RAD51: variants seen among roughly 807,000 people sequenced by gnomAD.
RAD51 encodes DNA repair protein RAD51 homolog 1.
RAD51 carries 14 observed loss-of-function variants against 41.5 expected under a neutral mutation model. The ratio of observed to expected loss-of-function variants is 0.34; its 90% CI spans 0.22 to 0.53. The LOEUF (loss-of-function observed/expected upper bound fraction) is 0.53. Ranked by LOEUF, RAD51 falls within the 20% of genes least tolerant of loss-of-function variation. RAD51 has a pLI of 0.95. For synonymous variants in RAD51, 136 were observed against 148.6 expected (o/e 0.92, Z 0.62); for missense variants, 234 against 422.0 (o/e 0.55, Z 3.90).
intron 3 of RAD51, among the ~76,000 whole-genome samples, chr15:40,705,423 G>A (rs1307211803): frequency 1.3e-5 from 2 of 152,180 alleles, no homozygotes; most frequent in Non-Finnish European, 2.9e-5. Context: ...GCTGATAGAG[G>A]TGGGGAAGTA....
At chr15:40,730,453 A>G (rs376095929) in intron 9 of RAD51, among the ~76,000 whole-genome samples, 1 of 151,306 alleles carries the variant, frequency 6.6e-6, no homozygotes, top group Non-Finnish European at 1.5e-5. Context: ...GTATTGAGCT[A>G]TGATCACACA....
At position 40,719,689 on chromosome 15, in the gene RAD51, G is replaced by A. The variant is rs559447790; in HGVS notation, c.530+790G>A. Among the ~76,000 whole-genome samples, 13 of 152,134 alleles carry A rather than the reference G, an allele frequency of 8.5e-5. 1 individual carries two copies. The East Asian group carries it at 1.6e-3, about 18-fold the overall frequency. The stretch of plus-strand genomic sequence containing the variant: ...CTATTAAAAATACAAAAAGTTAGCC[G>A]GGTGTGTTGGTGGGTGCCTGTAGTC... On this transcript the variant is annotated intron_variant, in intron 6 of 9. Transcript: ENST00000267868.
chr15:40,709,012 A>G lies in RAD51; in HGVS notation c.344-13A>G, dbSNP rs1283726287. 1 of 1,603,172 alleles carries G rather than the reference A, an allele frequency of 6.2e-7. No individual in the cohort carries two copies. Among genetic ancestry groups the G allele is most frequent in the Non-Finnish European group, 8.5e-7 (1 of 1,170,114 alleles). ...TGTATTATGCTAAGAGTTATTTCTT[A>G]TCGCTTTTTTAGGTGGAATTGAGAC... On this transcript the variant is annotated splice_polypyrimidine_tract_variant and intron_variant, in intron 4 of 9. Transcript: ENST00000267868.
At chr15:40,711,972 G>A (rs1199527142) in intron 5 of RAD51, among the ~76,000 whole-genome samples, 1 of 151,658 alleles carries the variant, frequency 6.6e-6, no homozygotes, top group Non-Finnish European at 1.5e-5. Flanking sequence ...CTTGGGAGGT[G>A]GAGGCGGGAG....
At chr15:40,711,726 G>A (rs1418104565) in intron 5 of RAD51, among the ~76,000 whole-genome samples, 1 of 152,078 alleles carries the variant, frequency 6.6e-6, no homozygotes, top group African/African-American at 2.4e-5. Context: ...AAATAAGCAA[G>A]GTCATTTAAC....
intron 3 of RAD51, among the ~76,000 whole-genome samples, chr15:40,705,396 A>G (rs940848644): frequency 6.6e-6 from 1 of 152,172 alleles, no homozygotes; most frequent in Non-Finnish European, 1.5e-5. Flanking sequence ...GCCAGACAAT[A>G]TGAAAGAAAA....
intron 5 of RAD51, among the ~76,000 whole-genome samples, chr15:40,716,691 C>T (rs1234749801): frequency 1.9e-4 from 24 of 127,292 alleles, no homozygotes; most frequent in Admixed American, 3.7e-4. Context: ...GATGGAATCT[C>T]GCTCTGTCAC....
At position 40,709,098 on chromosome 15, in the gene RAD51, G is replaced by T; in HGVS notation, c.417G>T (p.Thr139=). 2 of 1,613,724 alleles carry T rather than the reference G, an allele frequency of 1.2e-6. No homozygotes were observed. The highest frequency in any genetic ancestry group is 1.1e-5 in the South Asian group (1 of 91,070). The change falls in exon 5 of 10, where the codon ACG becomes ACT. Residue 139 remains threonine (T), a synonymous_variant. Transcript: ENST00000267868. ...CTGGGAAGACCCAGATCTGTCATAC[G>T]CTAGCTGTCACCTGCCAGGTGAGCT... ...FRTGKTQICH[T]LAVTCQLPID...
chr15:40,707,697 T>G (rs1368303735), intron 4 of RAD51, among the ~76,000 whole-genome samples: 1 of 151,212 alleles, frequency 6.6e-6, no homozygotes, highest in Admixed American at 6.6e-5. Flanking sequence ...ATTTCGTATG[T>G]TTTTTTTTGT....
chr15:40,710,917 G>A (rs1281873783), intron 5 of RAD51, among the ~76,000 whole-genome samples: 1 of 152,114 alleles, frequency 6.6e-6, no homozygotes, highest in Non-Finnish European at 1.5e-5. Context: ...ATACAAATAT[G>A]TCTAGTGTCT....
In RAD51 at chr15:40,725,089, C is replaced by T. The variant is rs1479820051; in HGVS notation, c.531-3622C>T. Among the ~76,000 whole-genome samples the T allele has an allele frequency of 5.9e-5, 9 of 151,678 alleles. No individual in the cohort carries two copies. In the East Asian group the frequency reaches 1.7e-3, roughly 29 times the overall value. On this transcript the variant is annotated intron_variant, in intron 6 of 9. Transcript: ENST00000267868. ...TAATTTTTTGTATTTTTAGTAGAGA[C>T]GGGGTTTCACCTTGTTAGCCAGGAT...
chr15:40,706,103 A>G (rs913867360), intron 3 of RAD51, 74 bp from the exon 4 acceptor site: 8 of 1,047,886 alleles, frequency 7.6e-6, no homozygotes, highest in Admixed American at 1.7e-5. Flanking sequence ...TTCTTTATAT[A>G]TATTTTTTTG....
chr15:40,702,554 C>T (rs1344018756), intron 3 of RAD51, among the ~76,000 whole-genome samples: 2 of 152,226 alleles, frequency 1.3e-5, no homozygotes, highest in East Asian at 3.9e-4. Context: ...GCTGTGTCAC[C>T]CAGGCTGGAG....
chr15:40,726,629 C>G (rs1220723280), intron 6 of RAD51, among the ~76,000 whole-genome samples: 1 of 151,322 alleles, frequency 6.6e-6, no homozygotes, highest in Non-Finnish European at 1.5e-5. Flanking sequence ...AAAGAGGATG[C>G]TATGGCCGGG....
chr15:40,715,382 C>T (rs1895937549), intron 5 of RAD51, among the ~76,000 whole-genome samples: 1 of 151,664 alleles, frequency 6.6e-6, no homozygotes, highest in South Asian at 2.1e-4. Context: ...CAAAAAACCA[C>T]AAAACAAAAA....
chr15:40,724,648 A>AC (rs1003993888), intron 6 of RAD51, among the ~76,000 whole-genome samples: 13 of 142,292 alleles, frequency 9.1e-5, no homozygotes, highest in African/African-American at 3.4e-4. Context: ...GGCACACACC[A>AC]CCAAGCCCAG....
intron 6 of RAD51, among the ~76,000 whole-genome samples, 157 bp downstream of exon 6, chr15:40,719,056 T>C (rs562071266): frequency 6.6e-6 from 1 of 151,960 alleles, no homozygotes; most frequent in Admixed American, 6.6e-5. Flanking sequence ...AAAAAGGCAT[T>C]CTTTTTTTTT....
At chr15:40,716,484 G>A (rs1895993339) in intron 5 of RAD51, among the ~76,000 whole-genome samples, 1 of 151,714 alleles carries the variant, frequency 6.6e-6, no homozygotes, top group African/African-American at 2.4e-5. Context: ...TTGTGCCCCA[G>A]CCTCCCGAGT....
chr15:40,730,757 C>T (rs779565722), intron 9 of RAD51, among the ~76,000 whole-genome samples: 7 of 151,616 alleles, frequency 4.6e-5, no homozygotes, highest in African/African-American at 1.2e-4. Flanking sequence ...CTCCTGACCT[C>T]GTGATCTGCC....
Sources: gnomAD v4.1 joint callset for allele counts (sites outside exome capture counted in the v4.1 genomes callset) on GRCh38, gnomAD v4.1.1 for gene constraint, MANE v1.5 for transcripts, NCBI Gene and HGNC (gene_info 2026-07-23, HGNC 2026-07-21) for gene names.